The following AFF1 variants were observed in gnomAD, a reference collection of about 807,000 sequenced individuals.
AFF1 encodes ALF transcription elongation factor 1.
A neutral mutation model predicts 121.7 loss-of-function variants in AFF1; 48 were observed. The observed-to-expected ratio is 0.39, with a 90% CI of 0.31 to 0.50. The LOEUF (loss-of-function observed/expected upper bound fraction) is 0.50, where lower values mean the gene tolerates loss of function less well. Among genes scored for constraint, AFF1 ranks in the 20% least tolerant of loss-of-function variants. The pLI, the probability that AFF1 is intolerant of heterozygous loss-of-function variation, is 0.76. For synonymous variants in AFF1, 613 were observed against 563.0 expected, an observed-to-expected ratio of 1.09 and a Z score of -1.26; for missense variants, 1,523 against 1,511.7, an observed-to-expected ratio of 1.01 and a Z score of -0.12.
intron 2 of AFF1, among the ~76,000 whole-genome samples, chr4:86,996,824 G>T (rs1005394985): frequency 1.3e-5 from 2 of 152,366 alleles, no homozygotes; most frequent in Non-Finnish European, 2.9e-5. Context: ...TGATTGGATC[G>T]TGAAGGATCT....
rs1030529050 is a variant in AFF1, at chr4:87,127,802, A to G, written c.2964+99A>G. On this transcript the variant is annotated intron_variant, in intron 16 of 20. Coordinates refer to ENST00000395146, the MANE Select transcript of AFF1 (RefSeq NM_001166693.3). ...TGCTGTATTCCATATCACTCAGCGTATGTGCGGTGGAAGGAGGGGGTGCAG... is the reference window on the plus strand; with the variant it reads ...TGCTGTATTCCATATCACTCAGCGTGTGTGCGGTGGAAGGAGGGGGTGCAG... 101 of 1,220,976 alleles carry G rather than the reference A, an allele frequency of 8.3e-5. No homozygotes were observed. The Admixed American group carries it at 8.4e-4, about 10-fold the overall frequency. The allele number at this position is 1,220,976 out of a possible 1,614,324, so 75.6% of individuals were successfully genotyped here. A position where few individuals can be genotyped will look rare whatever the true frequency, so the allele number is the denominator to read the frequency against.
rs544291500 is a variant in AFF1, at chr4:87,027,765, T to A, written c.39-18401T>A. On this transcript the variant is annotated intron_variant, in intron 2 of 20. Transcript: ENST00000395146. ...TAAACATTCCAAAATCTGAAACTTT[T>A]TGTTGTTGTTGCTGTTGGGTTTTTT... 5.3e-5 allele frequency among the ~76,000 whole-genome samples: 8 copies of A among 151,740 alleles called. No homozygotes were observed. In the East Asian group the frequency reaches 1.2e-3, roughly 22 times the overall value.
intron 2 of AFF1, among the ~76,000 whole-genome samples, chr4:87,028,482 G>A (rs1179142050): frequency 1.4e-5 from 2 of 146,226 alleles, no homozygotes; most frequent in Admixed American, 6.9e-5. Context: ...AAACAAACAC[G>A]TAACCTGTTT....
intron 2 of AFF1, among the ~76,000 whole-genome samples, chr4:86,951,609 T>C (rs1335723140): frequency 9.2e-6 from 1 of 108,988 alleles, no homozygotes; most frequent in Non-Finnish European, 1.9e-5. Context: ...TTTCTTTTTC[T>C]TTTTTCTTTT....
chr4:86,955,222 T>C (rs533741242), intron 2 of AFF1, among the ~76,000 whole-genome samples: 4 of 152,338 alleles, frequency 2.6e-5, no homozygotes, highest in East Asian at 3.9e-4. Flanking sequence ...ATTGTTTTGA[T>C]TGAGAAGGAA....
intron 2 of AFF1, among the ~76,000 whole-genome samples, chr4:86,998,971 G>T (rs1214110679): frequency 6.6e-6 from 1 of 152,166 alleles, no homozygotes; most frequent in African/African-American, 2.4e-5. Flanking sequence ...ATAAATTAGG[G>T]GCCAGGAGGA....
chr4:86,995,146 T>C (rs1725018049), intron 2 of AFF1, among the ~76,000 whole-genome samples: 2 of 152,074 alleles, frequency 1.3e-5, no homozygotes, highest in Admixed American at 6.5e-5. Context: ...GGTAGGAGGA[T>C]TGCTTGAGCC....
chr4:87,004,298 G>C (rs1057041226), intron 2 of AFF1, among the ~76,000 whole-genome samples: 6 of 152,086 alleles, frequency 3.9e-5, no homozygotes, highest in Non-Finnish European at 7.4e-5. Flanking sequence ...TATAGAATAA[G>C]TTTGCACCTC....
intron 16 of AFF1, 22 bp downstream of exon 16, chr4:87,127,725 C>G (rs1429780424): frequency 1.2e-6 from 2 of 1,611,160 alleles, no homozygotes; most frequent in Non-Finnish European, 1.7e-6. Context: ...CCCTTTATCT[C>G]TTTGGTAGAA....
chr4:87,138,916 T>C lies in AFF1; in HGVS notation c.*3215T>C, dbSNP rs1007252863. The stretch of plus-strand genomic sequence containing the variant: ...CACTTATCTCCCTTGTCCTGTATCC[T>C]TTAATTTCAGGTCTCAGGATGTTTA... On this transcript the variant is annotated 3_prime_UTR_variant, in exon 21 of 21. Coordinates refer to ENST00000395146, the MANE Select transcript of AFF1 (RefSeq NM_001166693.3). 2 of 227,436 alleles carry C rather than the reference T, an allele frequency of 8.8e-6. No individual in the cohort carries two copies. The highest frequency in any genetic ancestry group is 1.1e-4 in the Admixed American group (2 of 17,574). The allele number at this position is 227,436 out of a possible 1,614,324, so 14.1% of individuals were successfully genotyped here. A position where few individuals can be genotyped will look rare whatever the true frequency, so the allele number is the denominator to read the frequency against.
In AFF1 at chr4:87,076,925, T is replaced by A. The variant is rs143255132; in HGVS notation, c.1060-7195T>A. ...TACTCTGTGTCTATAGAACACAATT[T>A]TATGACAAACCTTGTTCAGCCAGGC... is the stretch of plus-strand genomic sequence containing the variant. On this transcript the variant is annotated intron_variant, in intron 4 of 20. Coordinates refer to ENST00000395146, the MANE Select transcript of AFF1 (RefSeq NM_001166693.3). 8.8e-3 allele frequency among the ~76,000 whole-genome samples: 1,340 copies of A among 152,346 alleles called. 9 individuals carry two copies. Among genetic ancestry groups the A allele is most frequent in the Non-Finnish European group, 0.013 (908 of 68,036 alleles).
At chr4:87,131,683 C>A in intron 17 of AFF1, 110 bp from the exon 18 acceptor site, 1 of 958,188 alleles carries the variant, frequency 1.0e-6, no homozygotes, top group Non-Finnish European at 1.6e-6. Flanking sequence ...TCCTGTGATG[C>A]TCTCATCTCT....
intron 11 of AFF1, among the ~76,000 whole-genome samples, chr4:87,110,653 A>G (rs1420245225): frequency 6.6e-6 from 1 of 152,066 alleles, no homozygotes; most frequent in African/African-American, 2.4e-5. Context: ...AAAATTTTGC[A>G]CTCATATTCC....
chr4:87,017,839 C>T (rs925927935), intron 2 of AFF1, among the ~76,000 whole-genome samples: 7 of 151,792 alleles, frequency 4.6e-5, no homozygotes, highest in African/African-American at 1.7e-4. Flanking sequence ...AGATCTGTTG[C>T]ACAAACAAAA....
intron 5 of AFF1, among the ~76,000 whole-genome samples, chr4:87,089,254 T>G (rs1352151621): frequency 6.6e-6 from 1 of 152,218 alleles, no homozygotes; most frequent in East Asian, 1.9e-4. Flanking sequence ...TGACACATCT[T>G]TTTTCTGACA....
rs1726880873 is a variant in AFF1, at chr4:87,114,563, C to A, written c.1730C>A (p.Ala577Asp). 6.2e-7 allele frequency: 1 copy of A among 1,602,838 alleles called. No homozygotes were observed. Among genetic ancestry groups the A allele is most frequent in the Non-Finnish European group, 8.5e-7 (1 of 1,175,112 alleles). ...KDPPPKSSSKAPRAPPEAPHP... is the reference protein window; with the variant it reads ...KDPPPKSSSKDPRAPPEAPHP... ...CCTCCCCCTAAAAGCTCCAGCAAAG[C>A]CCCCCGGGCCCCACCCGAAGCCCCC... The change falls in exon 12 of 21, where the codon GCC becomes GAC. Residue 577 changes from alanine (A) to aspartate (D), a missense_variant. By Grantham distance (126) the Ala-to-Asp change is moderately radical. Coordinates refer to ENST00000395146, the MANE Select transcript of AFF1 (RefSeq NM_001166693.3).
At chr4:87,116,237 TAC>T (rs1398196326) in intron 12 of AFF1, among the ~76,000 whole-genome samples, 1 of 152,238 alleles carries the variant, frequency 6.6e-6, no homozygotes, top group Non-Finnish European at 1.5e-5. Context: ...TTCTTTTGGA[TAC>T]AGAATGGACA....
chr4:87,035,890 T>A (rs1156375782), intron 2 of AFF1, among the ~76,000 whole-genome samples: 2 of 152,226 alleles, frequency 1.3e-5, no homozygotes, highest in Non-Finnish European at 1.5e-5. Context: ...AACTGTAGGA[T>A]TTTTAATTTT....
At position 87,135,792 on chromosome 4, in the gene AFF1, C is replaced by G; in HGVS notation, c.*91C>G. ...CCAGACATTTGTTTCATCAGGACAC[C>G]AAACTCTAAAAAAGAAGCACCACGA... is the stretch of plus-strand genomic sequence containing the variant. On this transcript the variant is annotated 3_prime_UTR_variant, in exon 21 of 21. Coordinates refer to ENST00000395146, the MANE Select transcript of AFF1 (RefSeq NM_001166693.3). 3 of 1,436,010 alleles carry G rather than the reference C, an allele frequency of 2.1e-6. No homozygotes were observed. The highest frequency in any genetic ancestry group is 1.8e-6 in the Non-Finnish European group (2 of 1,086,330). 89.0% of individuals were successfully genotyped at this position (1,436,010 alleles called of 1,614,324 possible). A position where few individuals can be genotyped will look rare whatever the true frequency, so the allele number is the denominator to read the frequency against.
Sources: gnomAD v4.1 joint callset for allele counts (sites outside exome capture counted in the v4.1 genomes callset) on GRCh38, gnomAD v4.1.1 for gene constraint, MANE v1.5 for transcripts, NCBI Gene and HGNC (gene_info 2026-07-23, HGNC 2026-07-21) for gene names.